Variants in MALRD1 observed in about 807,000 individuals in gnomAD.
The protein encoded by MALRD1 is MAM and LDL receptor class A domain containing 1.
Under a neutral mutation model 242.1 loss-of-function variants are expected in MALRD1, and 247 were observed. That is an observed-to-expected ratio of 1.02 (90% confidence interval 0.92 to 1.13). The LOEUF (loss-of-function observed/expected upper bound fraction) is 1.13, where lower values mean the gene tolerates loss of function less well. MALRD1 is among the 50% of genes most tolerant of loss of function. The pLI, the probability that MALRD1 is intolerant of heterozygous loss-of-function variation, is 0.00. For missense variants in MALRD1, 2,989 were observed against 2,533.1 expected (o/e 1.18, Z -3.86); for synonymous variants, 995 against 866.6 (o/e 1.15, Z -2.60).
At chr10:19,212,026 T>A (rs1837094012) in intron 18 of MALRD1, among the ~76,000 whole-genome samples, 1 of 152,192 alleles carries the variant, frequency 6.6e-6, no homozygotes, top group Non-Finnish European at 1.5e-5. Context: ...AATCAGCCAA[T>A]GCTTTCATGT....
Position 19,204,318 on chromosome 10 carries a change from G to C in MALRD1, c.2115G>C (p.Met705Ile). 8.1e-7 allele frequency: 1 copy of C among 1,239,076 alleles called. No homozygotes were observed. The highest frequency in any genetic ancestry group is 1.1e-6 in the Non-Finnish European group (1 of 911,104). 76.8% of individuals were successfully genotyped at this position (1,239,076 alleles called of 1,614,324 possible). ...HSLNASQGHF[M>I]FILKKSSSLW... Reference sequence around the variant, plus strand: ...TTTTTATCTCAACAGGGCATTTTATGTTCATTCTGAAGAAAAGCAGCAGCT... The same window carrying C: ...TTTTTATCTCAACAGGGCATTTTATCTTCATTCTGAAGAAAAGCAGCAGCT... The change falls in exon 16 of 40, where the codon ATG becomes ATC. Residue 705 changes from methionine (M) to isoleucine (I), a missense_variant. Physicochemically the swap from Met to Ile is conservative, Grantham distance 10. Coordinates refer to ENST00000454679, the MANE Select transcript of MALRD1 (RefSeq NM_001142308.3).
chr10:19,269,876 T>C (rs1299542097), intron 19 of MALRD1, among the ~76,000 whole-genome samples: 3 of 152,196 alleles, frequency 2.0e-5, no homozygotes, highest in Non-Finnish European at 4.4e-5. Context: ...CTCTGAAACC[T>C]TTTTAAGATA....
chr10:19,682,471 TCTC>T (rs1250560555), intron 36 of MALRD1, among the ~76,000 whole-genome samples: 1 of 152,168 alleles, frequency 6.6e-6, no homozygotes, highest in African/African-American at 2.4e-5. Context: ...TTTTTTCCTT[TCTC>T]CTCTTCATGT....
chr10:19,336,382 A>G (rs1477415664), intron 24 of MALRD1, among the ~76,000 whole-genome samples: 1 of 152,194 alleles, frequency 6.6e-6, no homozygotes, highest in Non-Finnish European at 1.5e-5. Context: ...TAAGGATGCA[A>G]TAGAGTTGAC....
In MALRD1 at chr10:19,692,502, C is replaced by T; in HGVS notation, c.6262C>T (p.His2088Tyr). ...LGIGLAFLMT[H>Y]ITVAVLCFLA... ...TATTGGATTAGCATTCCTGATGACT[C>T]ACATCACAGTTGCAGTCTTGTGTTT... The change falls in exon 38 of 40, where the codon CAC (histidine) becomes TAC (tyrosine). Residue 2088 changes from histidine (H) to tyrosine (Y), a missense_variant. His to Tyr is a moderately conservative substitution (Grantham distance 83). Coordinates refer to ENST00000454679, the MANE Select transcript of MALRD1 (RefSeq NM_001142308.3). 2 of 1,535,876 alleles carry T rather than the reference C, an allele frequency of 1.3e-6. No homozygotes were observed. Among genetic ancestry groups the T allele is most frequent in the Non-Finnish European group, 1.7e-6 (2 of 1,146,576 alleles).
chr10:19,421,241 A>G (rs1833709541), intron 28 of MALRD1, among the ~76,000 whole-genome samples: 1 of 152,162 alleles, frequency 6.6e-6, no homozygotes, highest in South Asian at 2.1e-4. Flanking sequence ...GTTTGTGCAC[A>G]CTTTCATCCT....
At chr10:19,396,141 CTTTT>C (rs71387076) in intron 28 of MALRD1, among the ~76,000 whole-genome samples, 140 of 103,928 alleles carry the variant, frequency 1.3e-3, no homozygotes, top group Middle Eastern at 4.9e-3. Context: ...TTTTTTTTTT[CTTTT>C]TTTTTTTTTT....
At chr10:19,503,010 G>A (rs1259665477) in intron 31 of MALRD1, among the ~76,000 whole-genome samples, 2 of 151,928 alleles carry the variant, frequency 1.3e-5, no homozygotes, top group African/African-American at 4.8e-5. Flanking sequence ...TTTGAATCTG[G>A]TTATTTATGT....
At chr10:19,068,482 G>A (rs2358276) in intron 2 of MALRD1, among the ~76,000 whole-genome samples, 84,879 of 151,786 alleles carry the variant, frequency 0.56, 24,210 homozygotes, top group African/African-American at 0.68. Flanking sequence ...CCAGTCAGCT[G>A]GTTTTGTAGT....
In MALRD1 at chr10:19,413,766, A is replaced by C. The variant is rs540611519; in HGVS notation, c.4845+24157A>C. 9.9e-4 allele frequency among the ~76,000 whole-genome samples: 150 copies of C among 151,856 alleles called. 1 individual carries two copies. The highest frequency in any genetic ancestry group is 6.8e-3 in the Middle Eastern group (2 of 294). On this transcript the variant is annotated intron_variant, in intron 28 of 39. Transcript: ENST00000454679. ...TGGGAGGCCGAGGCGAGTGGATCAC[A>C]AGGTCAGGAGTTTGAGACCAGCCTG...
rs530198775 is a variant in MALRD1 at position 19,066,735 on chromosome 10, A to G, written c.216A>G (p.Arg72=). 40 of 1,233,740 alleles carry G rather than the reference A, an allele frequency of 3.2e-5. No individual in the cohort carries two copies. In the East Asian group the frequency reaches 1.1e-3, roughly 33 times the overall value. The allele number at this position is 1,233,740 out of a possible 1,614,324, so 76.4% of individuals were successfully genotyped here. A position where few individuals can be genotyped will look rare whatever the true frequency, so the allele number is the denominator to read the frequency against. ...TCTCATTAGGTTTGAATTATGAAAG[A>G]TGTGATTTTGAGGATGGTCTCTGTC... ...SDERHCLNYE[R]CDFEDGLCHM... The change falls in exon 2 of 40, where the codon AGA becomes AGG. Residue 72 remains arginine, a synonymous_variant. Coordinates refer to ENST00000454679, the MANE Select transcript of MALRD1 (RefSeq NM_001142308.3).
At chr10:19,207,376 T>G (rs1309053696) in intron 17 of MALRD1, among the ~76,000 whole-genome samples, 1 of 152,190 alleles carries the variant, frequency 6.6e-6, no homozygotes, top group Non-Finnish European at 1.5e-5. Flanking sequence ...TTGACTATGG[T>G]AGGCTTCCCC....
intron 22 of MALRD1, among the ~76,000 whole-genome samples, chr10:19,325,406 G>A (rs1843084302): frequency 1.9e-5 from 2 of 106,656 alleles, no homozygotes; most frequent in Admixed American, 1.0e-4. Flanking sequence ...CTTTCAGAAA[G>A]TCCTGTATTT....
At chr10:19,116,781 G>C (rs866235233) in intron 5 of MALRD1, among the ~76,000 whole-genome samples, 9 of 152,052 alleles carry the variant, frequency 5.9e-5, no homozygotes, top group Non-Finnish European at 7.4e-5. Flanking sequence ...CCAGATTGTG[G>C]TACAAAGTAA....
At chr10:19,369,559 TATA>T (rs1451931144) in intron 26 of MALRD1, among the ~76,000 whole-genome samples, 8 of 149,298 alleles carry the variant, frequency 5.4e-5, no homozygotes, top group African/African-American at 1.7e-4. Context: ...TATATTTACA[TATA>T]ATATGCAAAT....
chr10:19,655,530 GTATATATA>G (rs56752723), intron 36 of MALRD1, among the ~76,000 whole-genome samples: 5,618 of 108,726 alleles, frequency 0.052, 181 homozygotes, highest in Admixed American at 0.069. Flanking sequence ...ATGTGTGAGT[GTATATATA>G]TATATATATA....
chr10:19,508,146 G>A (rs1054384447), intron 31 of MALRD1, among the ~76,000 whole-genome samples: 20 of 152,112 alleles, frequency 1.3e-4, no homozygotes, highest in Non-Finnish European at 8.8e-5. Flanking sequence ...TAAATAAAAT[G>A]TTACATGTAA....
intron 18 of MALRD1, among the ~76,000 whole-genome samples, chr10:19,225,796 T>C (rs1837776104): frequency 6.6e-6 from 1 of 152,228 alleles, no homozygotes; most frequent in Admixed American, 6.5e-5. Context: ...TCATGTGCAG[T>C]ACTTAACTAC....
intron 18 of MALRD1, among the ~76,000 whole-genome samples, chr10:19,235,007 A>G (rs1838247394): frequency 6.6e-6 from 1 of 152,164 alleles, no homozygotes; most frequent in Non-Finnish European, 1.5e-5. Context: ...GGAAACAACT[A>G]AAAAGTTCCA....
Sources: gnomAD v4.1 joint callset for allele counts (sites outside exome capture counted in the v4.1 genomes callset) on GRCh38, gnomAD v4.1.1 for gene constraint, MANE v1.5 for transcripts, NCBI Gene and HGNC (gene_info 2026-07-23, HGNC 2026-07-21) for gene names.